The following LCORL variants were observed in gnomAD, a reference collection of about 807,000 sequenced individuals.
LCORL encodes ligand-dependent nuclear receptor corepressor-like protein.
A neutral mutation model predicts 141.8 loss-of-function variants in LCORL; 41 were observed. The ratio of observed to expected loss-of-function variants is 0.29; its 90% CI spans 0.23 to 0.38. The LOEUF is 0.38. Ranked by LOEUF, LCORL falls within the 10% of genes least tolerant of loss-of-function variation. The pLI is 1.00. For missense variants in LCORL, 1,759 were observed against 2,035.0 expected (o/e 0.86, Z 2.61); for synonymous variants, 618 against 694.1 (o/e 0.89, Z 1.72).
intron 4 of LCORL, among the ~76,000 whole-genome samples, chr4:17,913,808 T>G (rs1181297974): frequency 6.6e-6 from 1 of 152,234 alleles, no homozygotes; most frequent in African/African-American, 2.4e-5. Flanking sequence ...CCATTTTTCT[T>G]CAGTTAATAA....
Position 17,972,885 on chromosome 4 carries a change from C to CA in LCORL, c.155-1_155insT (p.Gly52ValfsTer3). 7.1e-7 allele frequency: 1 copy of CA among 1,405,626 alleles called. No individual in the cohort carries two copies. Among genetic ancestry groups the CA allele is most frequent in the Non-Finnish European group, 9.3e-7 (1 of 1,070,748 alleles). 87.1% of individuals were successfully genotyped at this position (1,405,626 alleles called of 1,614,324 possible). A position where few individuals can be genotyped will look rare whatever the true frequency, so the allele number is the denominator to read the frequency against. On this transcript the variant is annotated frameshift_variant and splice_region_variant. Transcript: ENST00000635767. LOFTEE classifies it high-confidence loss of function. ...AAGCCCTTCTAAAATACTCTCAAAA[C>CA]CTGTGTTTTTAGAGAGAGAAAAGTA...
chr4:17,869,010 A>G (rs1424173808), intron 7 of LCORL, among the ~76,000 whole-genome samples: 2 of 148,776 alleles, frequency 1.3e-5, no homozygotes, highest in African/African-American at 5.0e-5. Flanking sequence ...CCCACAAATT[A>G]CCGATTTGCC....
chr4:17,854,960 C>A (rs1468992159), intron 7 of LCORL, among the ~76,000 whole-genome samples: 1 of 152,122 alleles, frequency 6.6e-6, no homozygotes, highest in East Asian at 1.9e-4. Flanking sequence ...AAAGGTGACA[C>A]AAAGATTGGC....
chr4:18,008,941 G>A (rs1432099925), intron 1 of LCORL, among the ~76,000 whole-genome samples: 3 of 152,084 alleles, frequency 2.0e-5, no homozygotes, highest in Non-Finnish European at 4.4e-5. Flanking sequence ...CCATTTGAGA[G>A]TAAATGTCTA....
At chr4:17,880,598 GTTTTTTTCTTTTCTTTTC>G (rs1727432459) in intron 6 of LCORL, 1 of 973,068 alleles carries the variant, frequency 1.0e-6, no homozygotes, top group Non-Finnish European at 1.2e-6. Context: ...AGTGTAGTCA[GTTTTTTTCTTTTCTTTTC>G]TTTTTTTCTT....
chr4:17,953,120 C>A (rs1293230198), intron 4 of LCORL, among the ~76,000 whole-genome samples: 3 of 152,098 alleles, frequency 2.0e-5, no homozygotes, highest in Non-Finnish European at 4.4e-5. Flanking sequence ...TATATATGCA[C>A]CACATTTTCT....
intron 4 of LCORL, among the ~76,000 whole-genome samples, chr4:17,915,054 T>A (rs1056925494): frequency 5.3e-5 from 8 of 152,288 alleles, no homozygotes; most frequent in African/African-American, 9.6e-5. Context: ...CTGGTTGTTT[T>A]CTCTTTTGCC....
chr4:17,893,567 A>T (rs1729431496), intron 5 of LCORL: 1 of 985,150 alleles, frequency 1.0e-6, no homozygotes, highest in African/African-American at 1.7e-5. Context: ...TGAACACAGG[A>T]GCACCTGCAG....
At chr4:17,951,126 T>G (rs1739659204) in intron 4 of LCORL, among the ~76,000 whole-genome samples, 2 of 152,172 alleles carry the variant, frequency 1.3e-5, no homozygotes, top group Admixed American at 1.3e-4. Flanking sequence ...AAGCTCCTAT[T>G]TCTTTTTTTA....
intron 7 of LCORL, among the ~76,000 whole-genome samples, chr4:17,870,351 T>C (rs981912148): frequency 1.3e-5 from 2 of 152,112 alleles, no homozygotes; most frequent in African/African-American, 4.8e-5. Context: ...ATTTTCCACA[T>C]CGTTTGCAAC....
intron 7 of LCORL, among the ~76,000 whole-genome samples, chr4:17,854,088 A>G (rs1445975868): frequency 1.3e-5 from 2 of 152,126 alleles, no homozygotes; most frequent in East Asian, 3.9e-4. Context: ...GAAATATTTG[A>G]TAACGGTCTT....
At chr4:17,973,203 G>T (rs1577596894) in intron 1 of LCORL, among the ~76,000 whole-genome samples, 2 of 151,808 alleles carry the variant, frequency 1.3e-5, no homozygotes, top group Non-Finnish European at 3.0e-5. Flanking sequence ...CTTGCAGAGA[G>T]GGGAAGAATA....
At chr4:17,949,463 T>C (rs1351868474) in intron 4 of LCORL, among the ~76,000 whole-genome samples, 2 of 152,102 alleles carry the variant, frequency 1.3e-5, no homozygotes, top group African/African-American at 4.8e-5. Flanking sequence ...CCCTCTAGCC[T>C]CTAGATAATT....
intron 1 of LCORL, among the ~76,000 whole-genome samples, chr4:17,988,409 C>G (rs978343748): frequency 6.6e-6 from 1 of 152,092 alleles, no homozygotes; most frequent in Non-Finnish European, 1.5e-5. Flanking sequence ...GTAGCCAGGA[C>G]CACAGGCATG....
intron 1 of LCORL, among the ~76,000 whole-genome samples, chr4:17,994,251 T>C (rs976782263): frequency 3.3e-5 from 5 of 152,204 alleles, no homozygotes; most frequent in Admixed American, 3.3e-4. Flanking sequence ...CATTGCTATA[T>C]TGTCATGATG....
intron 5 of LCORL, among the ~76,000 whole-genome samples, chr4:17,900,176 G>C (rs1048998369): frequency 1.3e-5 from 2 of 151,776 alleles, no homozygotes; most frequent in African/African-American, 4.8e-5. Context: ...AATTTAAAAA[G>C]TGCACTTTTT....
exon 7 of LCORL, chr4:17,875,695 G>A: frequency 8.1e-7 from 1 of 1,231,308 alleles, no homozygotes. Flanking sequence ...GGCTTTGGTG[G>A]TCTTCCAATT....
At chr4:17,969,625 T>C (rs1305047671) in intron 2 of LCORL, among the ~76,000 whole-genome samples, 1 of 152,084 alleles carries the variant, frequency 6.6e-6, no homozygotes, top group East Asian at 1.9e-4. Context: ...CAGGATAATA[T>C]ACAAGAATAT....
intron 4 of LCORL, among the ~76,000 whole-genome samples, chr4:17,953,066 G>C (rs1308212102): frequency 6.6e-6 from 1 of 152,034 alleles, no homozygotes. Flanking sequence ...TTGCTGCAAA[G>C]GACATGATCT....
Sources: gnomAD v4.1 joint callset for allele counts (sites outside exome capture counted in the v4.1 genomes callset) on GRCh38, gnomAD v4.1.1 for gene constraint, MANE v1.5 for transcripts, NCBI Gene and HGNC (gene_info 2026-07-23, HGNC 2026-07-21) for gene names.